Variants in NR6A1 observed in about 807,000 individuals in gnomAD.
The protein encoded by NR6A1 is nuclear receptor subfamily 6 group A member 1.
A neutral mutation model predicts 59.1 loss-of-function variants in NR6A1; 7 were observed. The observed-to-expected ratio is 0.12, with a 90% confidence interval of 0.07 to 0.22. The LOEUF (loss-of-function observed/expected upper bound fraction) is 0.22. NR6A1 is among the 10% of genes least tolerant of loss of function. The pLI, the probability that NR6A1 is intolerant of heterozygous loss-of-function variation, is 1.00. For synonymous variants in NR6A1, 243 were observed against 236.1 expected, an observed-to-expected ratio of 1.03 and a Z score of -0.27; for missense variants, 468 against 611.6, an observed-to-expected ratio of 0.77 and a Z score of 2.48.
chr9:124,593,021 A>T (rs2130803029), intron 2 of NR6A1, among the ~76,000 whole-genome samples: 1 of 152,350 alleles, frequency 6.6e-6, no homozygotes, highest in South Asian at 2.1e-4. Context: ...TCTGGGCTGG[A>T]GTAAAAGAAT....
chr9:124,548,143 G>T (rs1202884692), intron 3 of NR6A1, among the ~76,000 whole-genome samples: 1 of 138,842 alleles, frequency 7.2e-6, no homozygotes, highest in Non-Finnish European at 1.5e-5. Context: ...AAGAGCAAGG[G>T]GGAGGGGGGA....
At chr9:124,645,758 A>G (rs546078206) in intron 2 of NR6A1, among the ~76,000 whole-genome samples, 2 of 152,324 alleles carry the variant, frequency 1.3e-5, no homozygotes, top group South Asian at 4.1e-4. Flanking sequence ...CAGCACTACC[A>G]ATCTTTTGGA....
intron 7 of NR6A1, among the ~76,000 whole-genome samples, chr9:124,533,583 T>G (rs1200753611): frequency 6.6e-6 from 1 of 152,070 alleles, no homozygotes; most frequent in African/African-American, 2.4e-5. Context: ...GAGGGGGAGA[T>G]GGATCCCAGT....
rs757915856 is a variant in NR6A1, at chr9:124,616,004, C to T, written c.143-61434G>A. On this transcript the variant is annotated intron_variant, in intron 2 of 9. Transcript: ENST00000487099. ...AGCCTCACAAAGCTGGGATTACAGG[C>T]GTGAGTCACCACGCCCAGCTCATTT... Among the ~76,000 whole-genome samples, 79 of 151,886 alleles carry T rather than the reference C, an allele frequency of 5.2e-4. 1 individual carries two copies. The highest frequency in any genetic ancestry group is 3.4e-4 in the Non-Finnish European group (23 of 67,990).
intron 2 of NR6A1, among the ~76,000 whole-genome samples, chr9:124,641,607 G>A (rs997307340): frequency 6.6e-5 from 10 of 152,150 alleles, no homozygotes; most frequent in African/African-American, 2.4e-4. Context: ...TGAGGCAGGA[G>A]GATTGCTTCA....
At chr9:124,581,333 G>A (rs1265151865) in intron 2 of NR6A1, among the ~76,000 whole-genome samples, 2 of 152,140 alleles carry the variant, frequency 1.3e-5, no homozygotes, top group African/African-American at 4.8e-5. Context: ...AGTGGCTCAC[G>A]CTTGTAATCC....
chr9:124,545,279 C>A (rs985267194), intron 3 of NR6A1, among the ~76,000 whole-genome samples: 1 of 152,188 alleles, frequency 6.6e-6, no homozygotes, highest in Non-Finnish European at 1.5e-5. Flanking sequence ...GGATAAAACA[C>A]CAACCTTAGG....
At chr9:124,600,210 C>G (rs1835407230) in intron 2 of NR6A1, among the ~76,000 whole-genome samples, 1 of 152,090 alleles carries the variant, frequency 6.6e-6, no homozygotes, top group Admixed American at 6.5e-5. Context: ...AAACAAGAGC[C>G]CAAGATCTCT....
Position 124,771,232 on chromosome 9 carries a change from C to T in NR6A1, c.-113G>A. 1.9e-6 allele frequency: 1 copy of T among 536,514 alleles called. No homozygotes were observed. The highest frequency in any genetic ancestry group is 3.5e-5 in the East Asian group (1 of 28,464). 33.2% of individuals were successfully genotyped at this position (536,514 alleles called of 1,614,324 possible). The stretch of plus-strand genomic sequence containing the variant: ...AGGTTGTCAGGAGCCCGCGAGCTCC[C>T]GGCCGCGGCTCTCTCTGGGCCCCGA... On this transcript the variant is annotated 5_prime_UTR_variant, in exon 1 of 10. Transcript: ENST00000487099.
At chr9:124,581,349 C>G (rs778496451) in intron 2 of NR6A1, among the ~76,000 whole-genome samples, 4 of 152,188 alleles carry the variant, frequency 2.6e-5, no homozygotes, top group African/African-American at 4.8e-5. Flanking sequence ...AATCCCAGCA[C>G]TTTGGTAGGC....
intron 2 of NR6A1, among the ~76,000 whole-genome samples, chr9:124,649,609 T>C (rs1418588097): frequency 6.6e-6 from 1 of 152,034 alleles, no homozygotes; most frequent in African/African-American, 2.4e-5. Flanking sequence ...ACAAATGGGG[T>C]TATATCAAGC....
At chr9:124,617,441 G>A (rs1835931022) in intron 2 of NR6A1, among the ~76,000 whole-genome samples, 1 of 152,162 alleles carries the variant, frequency 6.6e-6, no homozygotes, top group Non-Finnish European at 1.5e-5. Context: ...AGCTAGCGCA[G>A]GGCACCTAGG....
At chr9:124,636,671 A>C (rs1174638933) in intron 2 of NR6A1, among the ~76,000 whole-genome samples, 1 of 152,188 alleles carries the variant, frequency 6.6e-6, no homozygotes, top group Non-Finnish European at 1.5e-5. Flanking sequence ...TTGAAAGAAA[A>C]GACTGTTTCC....
At chr9:124,709,820 A>G (rs1165520491) in intron 2 of NR6A1, among the ~76,000 whole-genome samples, 2 of 151,992 alleles carry the variant, frequency 1.3e-5, no homozygotes, top group Non-Finnish European at 2.9e-5. Flanking sequence ...CTATAACCCC[A>G]GCTACTCGGG....
intron 2 of NR6A1, among the ~76,000 whole-genome samples, chr9:124,662,467 A>C (rs2130945651): frequency 6.6e-6 from 1 of 152,354 alleles, no homozygotes; most frequent in African/African-American, 2.4e-5. Flanking sequence ...GGATTTATAT[A>C]GAACGGCTCG....
chr9:124,741,015 A>G (rs750586933), intron 1 of NR6A1, among the ~76,000 whole-genome samples: 1 of 152,232 alleles, frequency 6.6e-6, no homozygotes, highest in Non-Finnish European at 1.5e-5. Flanking sequence ...GAACAATTTC[A>G]CTATTCTCAA....
intron 2 of NR6A1, among the ~76,000 whole-genome samples, chr9:124,596,745 A>C: frequency 6.6e-6 from 1 of 152,188 alleles, no homozygotes; most frequent in Non-Finnish European, 1.5e-5. Flanking sequence ...GTGCACATAC[A>C]CACTCATACC....
chr9:124,642,860 A>G (rs533020537), intron 2 of NR6A1, among the ~76,000 whole-genome samples: 52 of 152,302 alleles, frequency 3.4e-4, no homozygotes, highest in African/African-American at 1.2e-3. Flanking sequence ...CTGTGTGTCT[A>G]GTCCTACTAA....
rs549525860 is a variant in NR6A1 at position 124,746,034 on chromosome 9, A to C, written c.101-12685T>G. ...ATCCTAAAAACAAAATGATTTGGCT[A>C]AACTGTCTACAATCAACAGCTTCAA... On this transcript the variant is annotated intron_variant, in intron 1 of 9. Coordinates refer to ENST00000487099, the MANE Select transcript of NR6A1 (RefSeq NM_033334.4). 2.6e-5 allele frequency among the ~76,000 whole-genome samples: 4 copies of C among 151,886 alleles called. No individual in the cohort carries two copies. In the East Asian group the frequency reaches 7.7e-4, roughly 29 times the overall value.
Sources: allele counts gnomAD v4.1 joint callset (sites outside exome capture counted in the v4.1 genomes callset), GRCh38; gene constraint gnomAD v4.1.1; transcripts MANE v1.5; gene names NCBI Gene and HGNC (gene_info 2026-07-23, HGNC 2026-07-21).